Variants in DMRT1 observed in about 807,000 individuals in gnomAD.
The protein encoded by DMRT1 is doublesex- and mab-3-related transcription factor 1.
A neutral mutation model predicts 32.3 loss-of-function variants in DMRT1; 7 were observed. The ratio of observed to expected loss-of-function variants is 0.22; its 90% CI spans 0.12 to 0.41. The LOEUF (loss-of-function observed/expected upper bound fraction) is 0.41. DMRT1 is among the 10% of genes least tolerant of loss of function. The pLI, the probability that DMRT1 is intolerant of heterozygous loss-of-function variation, is 1.00. For synonymous variants in DMRT1, 278 were observed against 206.1 expected, an observed-to-expected ratio of 1.35 and a Z score of -2.99; for missense variants, 625 against 500.5, an observed-to-expected ratio of 1.25 and a Z score of -2.37.
intron 4 of DMRT1, among the ~76,000 whole-genome samples, chr9:945,254 A>G (rs1357701982): frequency 6.6e-6 from 1 of 152,112 alleles, no homozygotes; most frequent in Non-Finnish European, 1.5e-5. Context: ...CCCAGGTTCA[A>G]ACGATTCTCC....
intron 2 of DMRT1, among the ~76,000 whole-genome samples, chr9:869,632 C>G (rs886170405): frequency 6.6e-6 from 1 of 152,158 alleles, no homozygotes; most frequent in African/African-American, 2.4e-5. Flanking sequence ...CTCTCTTGTT[C>G]TCTTTGATCT....
intron 4 of DMRT1, among the ~76,000 whole-genome samples, chr9:924,272 A>T (rs1221221562): frequency 6.6e-6 from 1 of 151,948 alleles, no homozygotes; most frequent in Non-Finnish European, 1.5e-5. Flanking sequence ...GGGTTTCTAC[A>T]TGTCAGCCAG....
intron 4 of DMRT1, among the ~76,000 whole-genome samples, chr9:917,242 G>C (rs186375659): frequency 6.6e-6 from 1 of 152,088 alleles, no homozygotes; most frequent in Non-Finnish European, 1.5e-5. Context: ...TATTTTTTGT[G>C]AAGTGAGTTT....
chr9:899,077 GCTAA>G (rs1474801795), intron 3 of DMRT1, among the ~76,000 whole-genome samples: 1 of 151,904 alleles, frequency 6.6e-6, no homozygotes, highest in Non-Finnish European at 1.5e-5. Context: ...GTATAGAAAT[GCTAA>G]CTAATTTTTG....
intron 4 of DMRT1, among the ~76,000 whole-genome samples, chr9:930,416 A>AT (rs1297328282): frequency 0.021 from 3,050 of 145,452 alleles, 56 homozygotes; most frequent in Non-Finnish European, 0.031. Context: ...TATTAAAAAA[A>AT]TTTTTTTTTT....
Position 856,246 on chromosome 9 carries a change from T to G in DMRT1, c.538+9103T>G, listed in dbSNP as rs151187316. Among the ~76,000 whole-genome samples the G allele has an allele frequency of 2.3e-3, 345 of 152,298 alleles. 1 individual carries two copies. The highest frequency in any genetic ancestry group is 7.3e-3 in the African/African-American group (302 of 41,562). On this transcript the variant is annotated intron_variant, in intron 2 of 4. Transcript: ENST00000382276. Reference sequence around the variant, plus strand: ...CTGAATTTTTAAGGTGATTAAAAATTCAAATGTAGTTTAACGACTTAAGAT... The same window carrying G: ...CTGAATTTTTAAGGTGATTAAAAATGCAAATGTAGTTTAACGACTTAAGAT...
intron 1 of DMRT1, among the ~76,000 whole-genome samples, chr9:844,656 G>A (rs1838822729): frequency 6.6e-6 from 1 of 150,784 alleles, no homozygotes; most frequent in Non-Finnish European, 1.5e-5. Flanking sequence ...TCAGCTTCCT[G>A]TGTTTGGACT....
At chr9:844,759 C>G in intron 1 of DMRT1, among the ~76,000 whole-genome samples, 1 of 143,738 alleles carries the variant, frequency 7.0e-6, no homozygotes, top group Non-Finnish European at 1.5e-5. Flanking sequence ...CTCGCTCTGT[C>G]CCCCAGGCTG....
chr9:872,130 C>T (rs981059164), intron 2 of DMRT1, among the ~76,000 whole-genome samples: 5 of 151,068 alleles, frequency 3.3e-5, no homozygotes, highest in South Asian at 2.1e-4. Context: ...GGCTTGATTT[C>T]GGCTCACTGC....
rs1838710744 is a variant in DMRT1, at chr9:842,154, A to G, written c.316A>G (p.Asn106Asp). The change falls in exon 1 of 5, where the codon AAC becomes GAC. Residue 106 changes from asparagine to aspartate, a missense_variant. By Grantham distance (23) the Asn-to-Asp change is conservative. This residue lies in a region of DMRT1 where 201 missense variants were observed against 152.0 expected (regional missense o/e 1.32). Transcript: ENST00000382276. ...MWRDCQCKKC[N>D]LIAERQRVMA... ...GCGCGACTGCCAGTGCAAGAAGTGC[A>G]ACCTGATCGCCGAGAGGCAGCGCGT... The G allele has an allele frequency of 6.5e-7, 1 of 1,547,944 alleles. No homozygotes were observed.
At chr9:891,434 G>C (rs1817145470) in intron 2 of DMRT1, among the ~76,000 whole-genome samples, 1 of 149,330 alleles carries the variant, frequency 6.7e-6, no homozygotes, top group Non-Finnish European at 1.5e-5. Flanking sequence ...CTGGGCGACA[G>C]AGTGAGACCC....
At chr9:943,096 T>C (rs1819131161) in intron 4 of DMRT1, among the ~76,000 whole-genome samples, 1 of 152,142 alleles carries the variant, frequency 6.6e-6, no homozygotes. Context: ...TGCGTTTTGA[T>C]AGCATATCAG....
chr9:924,855 T>C (rs1324633303), intron 4 of DMRT1, among the ~76,000 whole-genome samples: 1 of 152,202 alleles, frequency 6.6e-6, no homozygotes, highest in Admixed American at 6.5e-5. Context: ...GCTGACATGC[T>C]GTTGGATGAG....
intron 4 of DMRT1, among the ~76,000 whole-genome samples, chr9:967,581 TG>T: frequency 1.3e-5 from 2 of 152,270 alleles, no homozygotes; most frequent in Non-Finnish European, 2.9e-5. Context: ...TGGAAATGCA[TG>T]GGTGGAGTCT....
At chr9:879,008 C>T (rs958822954) in intron 2 of DMRT1, among the ~76,000 whole-genome samples, 1 of 152,108 alleles carries the variant, frequency 6.6e-6, no homozygotes, top group Non-Finnish European at 1.5e-5. Context: ...ATGCCTGTTT[C>T]ATGGAAAGAA....
chr9:879,428 ATC>A (rs1404426078), intron 2 of DMRT1, among the ~76,000 whole-genome samples: 5 of 152,090 alleles, frequency 3.3e-5, no homozygotes, highest in Admixed American at 1.3e-4. Context: ...ATTTTTGCAA[ATC>A]TCTTTTACGT....
chr9:920,532 C>T (rs1818319713), intron 4 of DMRT1, among the ~76,000 whole-genome samples: 1 of 152,158 alleles, frequency 6.6e-6, no homozygotes, highest in Non-Finnish European at 1.5e-5. Flanking sequence ...AGAACCAAAG[C>T]CTGCCTGCGT....
chr9:894,099 G>A lies in DMRT1; in HGVS notation c.726G>A (p.Gly242=), dbSNP rs1245823740. The A allele has an allele frequency of 1.2e-6, 2 of 1,614,258 alleles. No individual in the cohort carries two copies. The highest frequency in any genetic ancestry group is 2.2e-5 in the South Asian group (2 of 91,086). ...CCTTGGCTGCTGATTCTGCTTCTGG[G>A]GAGGTGGGAAATCCCCTCGGGGGAT... ...SMALAADSAS[G]EVGNPLGGSP... Residue 242 remains glycine, a synonymous_variant, in exon 3 of 5, where the codon GGG becomes GGA. Coordinates refer to ENST00000382276, the MANE Select transcript of DMRT1 (RefSeq NM_021951.3).
At chr9:892,174 G>C (rs1212572164) in intron 2 of DMRT1, among the ~76,000 whole-genome samples, 1 of 152,178 alleles carries the variant, frequency 6.6e-6, no homozygotes, top group Non-Finnish European at 1.5e-5. Flanking sequence ...TGATGTCCCA[G>C]CAGCAGTTGA....
Sources: allele counts gnomAD v4.1 joint callset (sites outside exome capture counted in the v4.1 genomes callset), GRCh38; gene constraint gnomAD v4.1.1; regional missense constraint gnomAD v4.1.1; transcripts MANE v1.5; gene names NCBI Gene and HGNC (gene_info 2026-07-23, HGNC 2026-07-21).